IL23R: variants seen among roughly 807,000 people sequenced by gnomAD.
IL23R encodes interleukin-23 receptor.
In IL23R, 34 loss-of-function variants were observed where a neutral mutation model predicts 56.9. The ratio of observed to expected loss-of-function variants is 0.60; its 90% CI spans 0.45 to 0.80. The LOEUF (loss-of-function observed/expected upper bound fraction) is 0.80. Ranked by LOEUF, IL23R falls within the 30% of genes least tolerant of loss-of-function variation. IL23R has a pLI of 0.00. For missense variants in IL23R, 635 were observed against 730.0 expected (o/e 0.87, Z 1.50); for synonymous variants, 230 against 249.2 (o/e 0.92, Z 0.73).
chr1:67,237,971 G>A (rs1651593349), intron 8 of IL23R, among the ~76,000 whole-genome samples: 1 of 152,152 alleles, frequency 6.6e-6, no homozygotes, highest in South Asian at 2.1e-4. Context: ...TGTCTTCATG[G>A]AGCTTCTATT....
At chr1:67,207,218 AT>A in intron 6 of IL23R, 163 bp downstream of exon 6, 1 of 832,506 alleles carries the variant, frequency 1.2e-6, no homozygotes. Flanking sequence ...TTCAACTTTT[AT>A]TTTAGATTCG....
At chr1:67,207,602 GC>G in intron 6 of IL23R, 1 of 383,018 alleles carries the variant, frequency 2.6e-6, no homozygotes, top group Non-Finnish European at 5.1e-6. Context: ...AGAGGTTTCC[GC>G]TTTTGCTTCT....
chr1:67,243,389 C>G (rs1324570647), intron 9 of IL23R, among the ~76,000 whole-genome samples: 1 of 151,950 alleles, frequency 6.6e-6, no homozygotes, highest in African/African-American at 2.4e-5. Context: ...ATACATGTGC[C>G]ATGGTGGTTT....
chr1:67,254,787 T>C (rs1345207261), intron 9 of IL23R, among the ~76,000 whole-genome samples: 1 of 152,248 alleles, frequency 6.6e-6, no homozygotes, highest in Non-Finnish European at 1.5e-5. Context: ...GTACAACCTT[T>C]CTGCCCAAAC....
chr1:67,183,023 C>T lies in IL23R; in HGVS notation c.491+64C>T. On this transcript the variant is annotated intron_variant, in intron 4 of 10. Coordinates refer to ENST00000347310, the MANE Select transcript of IL23R (RefSeq NM_144701.3). ...CCCCAGTTCAGCCAGAGCTCTGCCT[C>T]CAGCAGAGATCCAAGAAATCAGCCT... The T allele has an allele frequency of 1.9e-6, 3 of 1,580,104 alleles. No homozygotes were observed. In the African/African-American group the frequency reaches 4.0e-5, roughly 21 times the overall value.
At chr1:67,261,557 T>G (rs916518857), downstream of IL23R, among the ~76,000 whole-genome samples, 8 of 152,094 alleles carry the variant, frequency 5.3e-5, no homozygotes, top group African/African-American at 1.9e-4. Context: ...TTTAAATCAC[T>G]AATGAAATGC....
At chr1:67,205,971 C>G (rs1160529723) in intron 5 of IL23R, among the ~76,000 whole-genome samples, 1 of 123,694 alleles carries the variant, frequency 8.1e-6, no homozygotes, top group South Asian at 2.4e-4. Flanking sequence ...CTTTCTTGCT[C>G]TTTCTGTCTC....
In IL23R at chr1:67,227,940, ATCTTTCTTTCTTTCTTTCTTTCTTTCTT is replaced by A. The variant is rs746969384; in HGVS notation, c.955+8263_955+8290del. Among the ~76,000 whole-genome samples the A allele has an allele frequency of 1.9e-3, 73 of 37,482 alleles. 3 individuals carry two copies. The highest frequency in any genetic ancestry group is 4.1e-3 in the African/African-American group (50 of 12,256). The allele number at this position is 37,482 out of a possible 152,430, so 24.6% of individuals were successfully genotyped here. ...TGCAACCTATTACTACAGAACAAAG[ATCTTTCTTTCTTTCTTTCTTTCTTTCTT>A]TCTTTCTTTCTTTCTTTCTTTCTTT... is the stretch of plus-strand genomic sequence containing the variant. On this transcript the variant is annotated intron_variant, in intron 7 of 10. Coordinates refer to ENST00000347310, the MANE Select transcript of IL23R (RefSeq NM_144701.3).
intron 1 of IL23R, among the ~76,000 whole-genome samples, chr1:67,140,221 A>G (rs562378731): frequency 6.6e-6 from 1 of 152,240 alleles, no homozygotes; most frequent in Non-Finnish European, 1.5e-5. Flanking sequence ...TATGCATGCA[A>G]AAGCAAAATA....
intron 5 of IL23R, among the ~76,000 whole-genome samples, chr1:67,203,516 C>T (rs1264959846): frequency 1.3e-5 from 2 of 152,122 alleles, no homozygotes; most frequent in Non-Finnish European, 2.9e-5. Context: ...TCCTCCTCCA[C>T]CTCTTCCTCC....
intron 7 of IL23R, among the ~76,000 whole-genome samples, chr1:67,221,895 T>G (rs114436551): frequency 0.026 from 3,914 of 152,148 alleles, 181 homozygotes; most frequent in African/African-American, 0.089. Flanking sequence ...TTTGGCCAGG[T>G]GCAGTGGCTC....
chr1:67,243,485 A>G (rs780028714), intron 9 of IL23R, among the ~76,000 whole-genome samples: 10 of 151,682 alleles, frequency 6.6e-5, no homozygotes, highest in South Asian at 4.2e-4. Flanking sequence ...ACAGGCCCCA[A>G]TGTGTGATGT....
At chr1:67,220,633 C>T (rs1001360209) in intron 7 of IL23R, among the ~76,000 whole-genome samples, 2 of 151,752 alleles carry the variant, frequency 1.3e-5, no homozygotes, top group Non-Finnish European at 2.9e-5. Flanking sequence ...TTTGGGAGAC[C>T]AAGGCAGAAA....
chr1:67,263,665 C>T (rs1305273400), downstream of IL23R, among the ~76,000 whole-genome samples: 1 of 152,148 alleles, frequency 6.6e-6, no homozygotes, highest in East Asian at 1.9e-4. Flanking sequence ...AATTTCAACA[C>T]TTTGGGAGGC....
intron 1 of IL23R, among the ~76,000 whole-genome samples, chr1:67,160,911 T>G (rs1486753116): frequency 1.3e-5 from 2 of 152,196 alleles, no homozygotes; most frequent in Admixed American, 1.3e-4. Context: ...TATGAAAGAC[T>G]TCATAAGATT....
chr1:67,194,979 A>G (rs1648025906), intron 4 of IL23R, among the ~76,000 whole-genome samples: 2 of 152,204 alleles, frequency 1.3e-5, no homozygotes, highest in African/African-American at 4.8e-5. Flanking sequence ...GAAATATAGC[A>G]ATTTTAAAAG....
At chr1:67,154,178 T>G (rs1018247871) in intron 1 of IL23R, among the ~76,000 whole-genome samples, 30 of 152,202 alleles carry the variant, frequency 2.0e-4, no homozygotes, top group African/African-American at 7.2e-4. Flanking sequence ...TACTTCCAAT[T>G]ATGTGGTCTA....
At chr1:67,227,943 T>TC (rs1650734859) in intron 7 of IL23R, among the ~76,000 whole-genome samples, 1 of 3,750 alleles carries the variant, frequency 2.7e-4, no homozygotes. Context: ...AACAAAGATC[T>TC]TTCTTTCTTT....
chr1:67,222,386 G>T (rs1376824694), intron 7 of IL23R, among the ~76,000 whole-genome samples: 3 of 152,032 alleles, frequency 2.0e-5, no homozygotes, highest in Admixed American at 2.0e-4. Context: ...CAAAGTGCTG[G>T]GATTACAGGC....
Sources: gnomAD v4.1 joint callset for allele counts (sites outside exome capture counted in the v4.1 genomes callset) on GRCh38, gnomAD v4.1.1 for gene constraint, MANE v1.5 for transcripts, NCBI Gene and HGNC (gene_info 2026-07-23, HGNC 2026-07-21) for gene names.